The following TMPRSS15 variants were observed in gnomAD, a reference collection of about 807,000 sequenced individuals.
The protein encoded by TMPRSS15 is enteropeptidase.
Under a neutral mutation model 125.3 loss-of-function variants are expected in TMPRSS15, and 128 were observed. The observed-to-expected ratio is 1.02, with a 90% CI of 0.89 to 1.18. The LOEUF is 1.18. TMPRSS15 is among the 50% of genes most tolerant of loss of function. The probability of loss-of-function intolerance (pLI) is 0.00; values close to 1 mark genes in which losing one functional copy is unlikely to be tolerated. For missense variants in TMPRSS15, 1,283 were observed against 1,212.7 expected, an observed-to-expected ratio of 1.06 and a Z score of -0.86; for synonymous variants, 446 against 423.2, an observed-to-expected ratio of 1.05 and a Z score of -0.66.
intron 4 of TMPRSS15, among the ~76,000 whole-genome samples, chr21:18,380,906 C>T (rs2075887383): frequency 1.3e-5 from 2 of 152,064 alleles, no homozygotes. Context: ...ACATGATACG[C>T]CACATCTTGG....
chr21:18,482,962 C>T (rs1489580328), intron 1 of TMPRSS15, among the ~76,000 whole-genome samples: 1 of 151,656 alleles, frequency 6.6e-6, no homozygotes, highest in Non-Finnish European at 1.5e-5. Context: ...TGTCTCTTTG[C>T]TTCCATTCTT....
At chr21:18,471,169 A>T (rs925443295) in intron 1 of TMPRSS15, among the ~76,000 whole-genome samples, 1 of 152,086 alleles carries the variant, frequency 6.6e-6, no homozygotes, top group Non-Finnish European at 1.5e-5. Flanking sequence ...AGGTTGCAAG[A>T]TGTCTCTAAA....
chr21:18,429,103 A>G (rs1282867232), intron 1 of TMPRSS15, among the ~76,000 whole-genome samples: 5 of 152,132 alleles, frequency 3.3e-5, no homozygotes, highest in Non-Finnish European at 7.4e-5. Context: ...TTTTGGAGCT[A>G]TAAAATTTGA....
At chr21:18,422,607 G>A (rs187078555) in intron 1 of TMPRSS15, among the ~76,000 whole-genome samples, 7 of 152,274 alleles carry the variant, frequency 4.6e-5, no homozygotes, top group East Asian at 1.9e-4. Flanking sequence ...CAGTAGTAGC[G>A]TGGCAGGTGC....
At chr21:18,316,276 G>C (rs2075166118) in intron 16 of TMPRSS15, among the ~76,000 whole-genome samples, 1 of 152,100 alleles carries the variant, frequency 6.6e-6, no homozygotes, top group Admixed American at 6.6e-5. Flanking sequence ...AATTTCGTTA[G>C]TATCTCTTCA....
At chr21:18,405,060 G>A (rs561814366), upstream of TMPRSS15, among the ~76,000 whole-genome samples, 43 of 152,182 alleles carry the variant, frequency 2.8e-4, no homozygotes, top group African/African-American at 1.0e-3. Context: ...AATTTGGAAA[G>A]CCAAAGTGAA....
chr21:18,407,274 G>A (rs1315317189), upstream of TMPRSS15, among the ~76,000 whole-genome samples: 2 of 151,886 alleles, frequency 1.3e-5, no homozygotes, highest in African/African-American at 2.4e-5. Flanking sequence ...CACAGTTAGA[G>A]GAGTAGGACA....
At chr21:18,469,062 G>T (rs183265658) in intron 1 of TMPRSS15, among the ~76,000 whole-genome samples, 23 of 152,236 alleles carry the variant, frequency 1.5e-4, no homozygotes, top group African/African-American at 5.3e-4. Flanking sequence ...AATTGCAGCT[G>T]GCTGTTGAAA....
At chr21:18,436,733 G>A (rs2076228640) in intron 1 of TMPRSS15, among the ~76,000 whole-genome samples, 2 of 148,648 alleles carry the variant, frequency 1.3e-5, no homozygotes, top group Non-Finnish European at 3.0e-5. Context: ...CACCTTACAA[G>A]GGACGTGAAG....
chr21:18,300,535 G>A (rs898301291), intron 18 of TMPRSS15, among the ~76,000 whole-genome samples: 1 of 151,210 alleles, frequency 6.6e-6, no homozygotes, highest in African/African-American at 2.4e-5. Context: ...AGTAGAGAGG[G>A]TGTTTCACTA....
intron 10 of TMPRSS15, among the ~76,000 whole-genome samples, chr21:18,347,956 G>T (rs2075526276): frequency 6.6e-6 from 1 of 152,022 alleles, no homozygotes; most frequent in Admixed American, 6.6e-5. Context: ...AATAATGATA[G>T]CTGTGGCTGT....
At position 18,353,819 on chromosome 21, in the gene TMPRSS15, T is replaced by C. The variant is rs201854024; in HGVS notation, c.925A>G (p.Asn309Asp). 7.3e-5 allele frequency: 117 copies of C among 1,611,798 alleles called. 1 individual carries two copies. In the East Asian group the frequency reaches 2.3e-3, roughly 32 times the overall value. Residue 309 changes from asparagine (N) to aspartate (D), a missense_variant, in exon 9 of 25, where the codon AAC becomes GAC. By Grantham distance (23) the Asn-to-Asp change is conservative (BLOSUM62 1). Coordinates refer to ENST00000284885, the MANE Select transcript of TMPRSS15 (RefSeq NM_002772.3). ...TNPGTIRIFSNQVTATFLIES... is the reference protein window; with the variant it reads ...TNPGTIRIFSDQVTATFLIES... The stretch of plus-strand genomic sequence containing the variant: ...ATAAGAAAGGTGGCAGTAACTTGGT[T>C]GGAAAAAATTCTTATTGTGCCAGGA...
At chr21:18,271,606 T>A (rs2146848872) in intron 24 of TMPRSS15, among the ~76,000 whole-genome samples, 1 of 152,308 alleles carries the variant, frequency 6.6e-6, no homozygotes, top group East Asian at 1.9e-4. Context: ...TTTTCTTTTT[T>A]TTTTACATTT....
At chr21:18,426,631 A>T (rs1469383556) in intron 1 of TMPRSS15, among the ~76,000 whole-genome samples, 1 of 152,040 alleles carries the variant, frequency 6.6e-6, no homozygotes, top group Non-Finnish European at 1.5e-5. Context: ...TTTTAGCCAC[A>T]GTTAATAGAG....
chr21:18,423,224 G>A (rs1024137046), intron 1 of TMPRSS15, among the ~76,000 whole-genome samples: 3 of 152,020 alleles, frequency 2.0e-5, no homozygotes, highest in Non-Finnish European at 4.4e-5. Flanking sequence ...ATTCACAATT[G>A]CCTCCTCCCC....
chr21:18,314,692 C>A (rs2075142353), intron 17 of TMPRSS15, among the ~76,000 whole-genome samples: 1 of 151,524 alleles, frequency 6.6e-6, no homozygotes, highest in Non-Finnish European at 1.5e-5. Flanking sequence ...TAAAAGTATC[C>A]ATTACTCATA....
chr21:18,308,654 C>T (rs1302027078), intron 18 of TMPRSS15, among the ~76,000 whole-genome samples: 1 of 149,448 alleles, frequency 6.7e-6, no homozygotes, highest in African/African-American at 2.5e-5. Flanking sequence ...AGTTTTGTTA[C>T]ATAGGTATAC....
At chr21:18,475,057 CATT>C (rs1978852733) in intron 1 of TMPRSS15, among the ~76,000 whole-genome samples, 1 of 152,152 alleles carries the variant, frequency 6.6e-6, no homozygotes, top group African/African-American at 2.4e-5. Flanking sequence ...ACACTTTTAA[CATT>C]ATTTCTAGGA....
intron 1 of TMPRSS15, among the ~76,000 whole-genome samples, chr21:18,433,590 A>G (rs2076221038): frequency 2.1e-5 from 3 of 143,686 alleles, no homozygotes; most frequent in South Asian, 4.7e-4. Context: ...CCTGAGCTTG[A>G]GAGGTCAAGG....
Sources: allele counts gnomAD v4.1 joint callset (sites outside exome capture counted in the v4.1 genomes callset), GRCh38; gene constraint gnomAD v4.1.1; transcripts MANE v1.5; gene names NCBI Gene and HGNC (gene_info 2026-07-23, HGNC 2026-07-21).